The following YARS1 variants were observed in gnomAD, a reference collection of about 807,000 sequenced individuals.
The protein encoded by YARS1 is tyrosine--tRNA ligase, cytoplasmic.
Under a neutral mutation model 62.2 loss-of-function variants are expected in YARS1, and 36 were observed. The ratio of observed to expected loss-of-function variants is 0.58; its 90% CI spans 0.44 to 0.76. The LOEUF (loss-of-function observed/expected upper bound fraction) is 0.76, where lower values mean the gene tolerates loss of function less well. Among genes scored for constraint, YARS1 ranks in the 30% least tolerant of loss-of-function variants. The pLI is 0.00. For synonymous variants in YARS1, 234 were observed against 244.9 expected, an observed-to-expected ratio of 0.96 and a Z score of 0.42; for missense variants, 524 against 639.8, an observed-to-expected ratio of 0.82 and a Z score of 1.95.
In YARS1 at chr1:32,806,613, T is replaced by C; in HGVS notation, c.381-2A>G. On this transcript the variant is annotated splice_acceptor_variant, in intron 3 of 12. Coordinates refer to ENST00000373477, the MANE Select transcript of YARS1 (RefSeq NM_003680.4). LOFTEE classifies it high-confidence loss of function. Reference sequence around the variant, plus strand: ...CTGTACACATCTAGTGTGTACTCTCTGAAGAGGAAAGGAAGAGGGGACAGC... The same window carrying C: ...CTGTACACATCTAGTGTGTACTCTCCGAAGAGGAAAGGAAGAGGGGACAGC... 6.2e-7 allele frequency: 1 copy of C among 1,614,150 alleles called. No homozygotes were observed. The highest frequency in any genetic ancestry group is 8.5e-7 in the Non-Finnish European group (1 of 1,180,038).
intron 5 of YARS1, among the ~76,000 whole-genome samples, chr1:32,795,314 A>T (rs1006629186): frequency 6.6e-6 from 1 of 151,816 alleles, no homozygotes; most frequent in African/African-American, 2.4e-5. Flanking sequence ...GCAAGACTCC[A>T]TCTCAAAAAA....
chr1:32,778,536 A>T (rs1462274742), intron 12 of YARS1, among the ~76,000 whole-genome samples: 1 of 151,094 alleles, frequency 6.6e-6, no homozygotes, highest in Non-Finnish European at 1.5e-5. Flanking sequence ...CCTCCTGAGT[A>T]GCTGGGACTA....
chr1:32,782,217 T>A, intron 9 of YARS1, 187 bp downstream of exon 9: 1 of 869,166 alleles, frequency 1.2e-6, no homozygotes, highest in Non-Finnish European at 1.8e-6. Context: ...ATGTGATCAC[T>A]TCCTGATGTT....
intron 4 of YARS1, among the ~76,000 whole-genome samples, chr1:32,805,387 G>A (rs989202066): frequency 2.0e-5 from 3 of 152,072 alleles, no homozygotes; most frequent in Non-Finnish European, 2.9e-5. Flanking sequence ...ACTGAAGACA[G>A]GGCCTTTCTC....
Position 32,775,766 on chromosome 1 carries a change from C to T in YARS1, c.*215G>A. The T allele has an allele frequency of 3.3e-6, 2 of 598,112 alleles. No homozygotes were observed. Among genetic ancestry groups the T allele is most frequent in the South Asian group, 3.9e-5 (2 of 50,686 alleles). 37.1% of individuals were successfully genotyped at this position (598,112 alleles called of 1,614,324 possible). A position where few individuals can be genotyped will look rare whatever the true frequency, so the allele number is the denominator to read the frequency against. On this transcript the variant is annotated 3_prime_UTR_variant, in exon 13 of 13. Transcript: ENST00000373477. ...GGCTGGACTCCCTGCTGTGGCCCAG[C>T]CCTTGTTAGGGGTTGGTCTCTCACT...
At chr1:32,782,662 T>C (rs1653099076) in intron 8 of YARS1, 123 bp from the exon 9 acceptor site, 3 of 1,361,360 alleles carry the variant, frequency 2.2e-6, no homozygotes, top group South Asian at 1.2e-5. Context: ...GTGATAATCT[T>C]GTGAGGCAGG....
intron 8 of YARS1, 106 bp downstream of exon 8, chr1:32,786,256 A>G: frequency 9.0e-7 from 1 of 1,105,952 alleles, no homozygotes; most frequent in Non-Finnish European, 1.4e-6. Flanking sequence ...AATAGCAGGC[A>G]GCTCACTTTT....
chr1:32,788,396 G>GAA (rs1653306884), intron 6 of YARS1, among the ~76,000 whole-genome samples: 1 of 152,078 alleles, frequency 6.6e-6, no homozygotes, highest in Non-Finnish European at 1.5e-5. Context: ...GACTACAGGT[G>GAA]TACAAAACCA....
At chr1:32,796,244 C>T (rs1387457798) in intron 5 of YARS1, among the ~76,000 whole-genome samples, 6 of 151,898 alleles carry the variant, frequency 4.0e-5, no homozygotes, top group East Asian at 1.9e-4. Context: ...TGCAGTGAGC[C>T]GAGATCGCGC....
chr1:32,790,407 G>A (rs1347400376), intron 6 of YARS1, among the ~76,000 whole-genome samples: 1 of 148,958 alleles, frequency 6.7e-6, no homozygotes, highest in East Asian at 2.0e-4. Flanking sequence ...CAGCTACTCT[G>A]GGAGGCTGAG....
At chr1:32,803,009 G>A (rs1345802564) in intron 4 of YARS1, among the ~76,000 whole-genome samples, 1 of 133,602 alleles carries the variant, frequency 7.5e-6, no homozygotes, top group Non-Finnish European at 1.5e-5. Flanking sequence ...TTGAGACAGA[G>A]TCTTGCATTG....
In YARS1 at chr1:32,782,384, C is replaced by T. The variant is rs373419762; in HGVS notation, c.1042+20G>A. 32 of 1,613,898 alleles carry T rather than the reference C, an allele frequency of 2.0e-5. No homozygotes were observed. Among genetic ancestry groups the T allele is most frequent in the South Asian group, 1.6e-4 (15 of 91,064 alleles). On this transcript the variant is annotated intron_variant, in intron 9 of 12. Transcript: ENST00000373477. ...AGCTCTCTCTCCTGATGATGTCGGC[C>T]CCTCTCCAGCTGGCCTTACTCTGCT...
intron 1 of YARS1, chr1:32,816,698 G>GT (rs1638745513): frequency 6.0e-6 from 1 of 165,742 alleles, no homozygotes; most frequent in Non-Finnish European, 1.3e-5. Context: ...CATTTGTGGA[G>GT]TGAGGGGGGG....
chr1:32,782,194 C>T, intron 9 of YARS1: 1 of 704,490 alleles, frequency 1.4e-6, no homozygotes. Flanking sequence ...CTCAGCAATG[C>T]CGGTACAAAA....
chr1:32,797,456 C>A, intron 5 of YARS1: 2 of 447,860 alleles, frequency 4.5e-6, no homozygotes, highest in Non-Finnish European at 8.2e-6. Context: ...ACTGGTAATG[C>A]CTCTCCTTGG....
intron 10 of YARS1, 191 bp downstream of exon 10, chr1:32,780,857 G>C (rs1653030694): frequency 1.5e-6 from 1 of 649,978 alleles, no homozygotes; most frequent in South Asian, 1.7e-5. Flanking sequence ...TCCTGGCTGT[G>C]TTTGGTTGCA....
rs9787263 is a variant in YARS1, at chr1:32,799,158, A to C, written c.511-1315T>G. Among the ~76,000 whole-genome samples the C allele has an allele frequency of 5.6e-4, 85 of 152,332 alleles. No individual in the cohort carries two copies. The East Asian group carries it at 0.014, about 25-fold the overall frequency. ...ATAGATGTTTTTCACCATGCAGAGGAAATAGAATGTGAGAAGGCACAGAGG... is the reference window on the plus strand; with the variant it reads ...ATAGATGTTTTTCACCATGCAGAGGCAATAGAATGTGAGAAGGCACAGAGG... On this transcript the variant is annotated intron_variant, in intron 4 of 12. Coordinates refer to ENST00000373477, the MANE Select transcript of YARS1 (RefSeq NM_003680.4).
At chr1:32,795,098 T>C (rs1038476188) in intron 5 of YARS1, among the ~76,000 whole-genome samples, 4 of 148,412 alleles carry the variant, frequency 2.7e-5, no homozygotes, top group Non-Finnish European at 4.4e-5. Flanking sequence ...GGTCGGAGGA[T>C]CATGAGGTCA....
At chr1:32,790,235 G>A (rs1653371927) in intron 6 of YARS1, among the ~76,000 whole-genome samples, 1 of 142,616 alleles carries the variant, frequency 7.0e-6, no homozygotes, top group Non-Finnish European at 1.5e-5. Context: ...TTGGCTGGGT[G>A]CAGTGGCTCA....
Sources: gnomAD v4.1 joint callset for allele counts (sites outside exome capture counted in the v4.1 genomes callset) on GRCh38, gnomAD v4.1.1 for gene constraint, MANE v1.5 for transcripts, NCBI Gene and HGNC (gene_info 2026-07-23, HGNC 2026-07-21) for gene names.